Variants in APBB2 observed in about 807,000 individuals in gnomAD.
The protein encoded by APBB2 is amyloid beta precursor protein binding family B member 2.
In APBB2, 38 loss-of-function variants were observed where a neutral mutation model predicts 82.5. The observed-to-expected ratio is 0.46, with a 90% CI of 0.36 to 0.60. The LOEUF is 0.60. Among genes scored for constraint, APBB2 ranks in the 20% least tolerant of loss-of-function variants. The pLI, the probability that APBB2 is intolerant of heterozygous loss-of-function variation, is 0.00. For synonymous variants in APBB2, 341 were observed against 368.2 expected, an observed-to-expected ratio of 0.93 and a Z score of 0.85; for missense variants, 772 against 972.3, an observed-to-expected ratio of 0.79 and a Z score of 2.74.
At chr4:40,842,579 T>C (rs1284024542) in intron 12 of APBB2, 1 of 216,802 alleles carries the variant, frequency 4.6e-6, no homozygotes, top group Non-Finnish European at 9.9e-6. Flanking sequence ...TGAGCCACAT[T>C]ATGATGAAGC....
chr4:40,901,550 G>T (rs755645868), intron 10 of APBB2, among the ~76,000 whole-genome samples: 1 of 151,896 alleles, frequency 6.6e-6, no homozygotes, highest in African/African-American at 2.4e-5. Flanking sequence ...CTCGCTGTCT[G>T]CCAGGCTGGA....
At chr4:41,018,658 C>T (rs1251529944) in intron 5 of APBB2, among the ~76,000 whole-genome samples, 1 of 152,102 alleles carries the variant, frequency 6.6e-6, no homozygotes, top group Non-Finnish European at 1.5e-5. Context: ...AAGGCGATGA[C>T]TATGATGAAA....
chr4:40,816,236 T>C lies in APBB2; in HGVS notation c.2136A>G (p.Val712=), dbSNP rs1745591594. Residue 712 remains valine (V), a synonymous_variant, in exon 18 of 18, where the codon GTA becomes GTG. Transcript: ENST00000508593. ...GAACTTTCTGAGAAGGCGGCCTGGC[T>C]ACCAAGCACTTCTGATATCGTAACT... ...ACMLRYQKCL[V]ARPPSQKVRP... is the part of the protein sequence containing the mutation. 6.2e-7 allele frequency: 1 copy of C among 1,614,160 alleles called. No individual in the cohort carries two copies. The highest frequency in any genetic ancestry group is 8.5e-7 in the Non-Finnish European group (1 of 1,180,014).
intron 13 of APBB2, among the ~76,000 whole-genome samples, chr4:40,830,154 G>C (rs1751368888): frequency 6.6e-6 from 1 of 151,542 alleles, no homozygotes; most frequent in Non-Finnish European, 1.5e-5. Flanking sequence ...GTGCTACTTA[G>C]AGCGATGCCT....
intron 2 of APBB2, among the ~76,000 whole-genome samples, chr4:41,131,925 A>T (rs1299969603): frequency 6.6e-6 from 1 of 152,068 alleles, no homozygotes; most frequent in Non-Finnish European, 1.5e-5. Flanking sequence ...CTGTAGTCCC[A>T]GCTACTCAGG....
In APBB2 at chr4:40,822,229, C is replaced by A. The variant is rs1030220595; in HGVS notation, c.1933-179G>T. 15 of 649,194 alleles carry A rather than the reference C, an allele frequency of 2.3e-5. No individual in the cohort carries two copies. The African/African-American group carries it at 2.6e-4, about 11-fold the overall frequency. 40.2% of individuals were successfully genotyped at this position (649,194 alleles called of 1,614,324 possible). A position where few individuals can be genotyped will look rare whatever the true frequency, so the allele number is the denominator to read the frequency against. ...TGAAGAGGCCATCACTGCATGGCTA[C>A]CCTGTTCTGGAGGTCATTCTTGCTC... On this transcript the variant is annotated intron_variant, in intron 16 of 17. Coordinates refer to ENST00000508593, the MANE Select transcript of APBB2 (RefSeq NM_004307.2).
chr4:41,087,048 G>A (rs1740015765), intron 3 of APBB2, among the ~76,000 whole-genome samples: 1 of 152,184 alleles, frequency 6.6e-6, no homozygotes. Context: ...GCTGAGGCGG[G>A]AGGATCACTT....
intron 2 of APBB2, among the ~76,000 whole-genome samples, chr4:41,137,535 A>G (rs2154014683): frequency 6.6e-6 from 1 of 152,324 alleles, no homozygotes; most frequent in Non-Finnish European, 1.5e-5. Context: ...AACAGAGAGG[A>G]AAAGTAGCAA....
chr4:41,074,891 G>A (rs1333935294), intron 3 of APBB2, among the ~76,000 whole-genome samples: 1 of 152,148 alleles, frequency 6.6e-6, no homozygotes, highest in Non-Finnish European at 1.5e-5. Flanking sequence ...GCTCATGCCT[G>A]TAATCCCAGC....
intron 12 of APBB2, among the ~76,000 whole-genome samples, chr4:40,864,120 G>T (rs115674004): frequency 1.3e-5 from 2 of 151,994 alleles, no homozygotes; most frequent in Admixed American, 1.3e-4. Context: ...AGCTGGGTGT[G>T]GTGGCGCCGA....
chr4:40,831,840 C>T (rs1157958224), intron 12 of APBB2, among the ~76,000 whole-genome samples: 1 of 151,986 alleles, frequency 6.6e-6, no homozygotes, highest in African/African-American at 2.4e-5. Flanking sequence ...AGCATGCAGC[C>T]GATGTTGGGT....
intron 1 of APBB2, among the ~76,000 whole-genome samples, chr4:41,162,663 G>C (rs1334977411): frequency 6.6e-6 from 1 of 152,060 alleles, no homozygotes; most frequent in Non-Finnish European, 1.5e-5. Context: ...AGACCAGCCT[G>C]GGCAACATGG....
rs909865666 is a variant in APBB2 at position 41,014,050 on chromosome 4, C to T, written c.368G>A (p.Ser123Asn). ...QGQQDPNKNL[S>N]PTAVINITSE... The stretch of plus-strand genomic sequence containing the variant: ...AGTTATGTTGATGACTGCAGTGGGG[C>T]TCAGGTTTTTGTTGGGGTCCTGCTG... The change falls in exon 6 of 18, where the codon AGC becomes AAC. Residue 123 changes from serine (S) to asparagine (N), a missense_variant. Physicochemically the swap from Ser to Asn is conservative, Grantham distance 46. Transcript: ENST00000508593. 1.2e-6 allele frequency: 2 copies of T among 1,614,150 alleles called. No homozygotes were observed. The highest frequency in any genetic ancestry group is 1.3e-5 in the African/African-American group (1 of 75,028).
At chr4:41,112,502 G>T (rs1465380622) in intron 2 of APBB2, among the ~76,000 whole-genome samples, 1 of 152,204 alleles carries the variant, frequency 6.6e-6, no homozygotes, top group Non-Finnish European at 1.5e-5. Flanking sequence ...CCGCTTCCAG[G>T]TAAGAGTTTC....
chr4:40,828,173 C>T (rs192049513), intron 13 of APBB2, among the ~76,000 whole-genome samples: 18 of 152,220 alleles, frequency 1.2e-4, no homozygotes, highest in Admixed American at 1.1e-3. Flanking sequence ...GCGTGAAAGC[C>T]GACTAATACA....
intron 2 of APBB2, among the ~76,000 whole-genome samples, chr4:41,137,888 T>C (rs966044232): frequency 2.0e-5 from 3 of 151,932 alleles, no homozygotes; most frequent in Non-Finnish European, 2.9e-5. Flanking sequence ...AACACCAAAA[T>C]GTAAAGGGTA....
intron 4 of APBB2, among the ~76,000 whole-genome samples, chr4:41,062,561 T>C (rs968102597): frequency 2.6e-5 from 4 of 152,128 alleles, no homozygotes; most frequent in African/African-American, 7.2e-5. Context: ...ACAGTGTTCA[T>C]GCCTTGGACT....
chr4:41,117,418 G>A (rs1050785810), intron 2 of APBB2, among the ~76,000 whole-genome samples: 43 of 151,174 alleles, frequency 2.8e-4, no homozygotes, highest in African/African-American at 8.0e-4. Context: ...TCAGCCTCTC[G>A]AATAGCTGGG....
At chr4:41,174,544 C>A (rs1474404053) in intron 1 of APBB2, among the ~76,000 whole-genome samples, 1 of 151,602 alleles carries the variant, frequency 6.6e-6, no homozygotes, top group East Asian at 1.9e-4. Context: ...TGCTAGTCTG[C>A]CAACTGTTTA....
Sources: gnomAD v4.1 joint callset for allele counts (sites outside exome capture counted in the v4.1 genomes callset) on GRCh38, gnomAD v4.1.1 for gene constraint, MANE v1.5 for transcripts, NCBI Gene and HGNC (gene_info 2026-07-23, HGNC 2026-07-21) for gene names.